Variants in ACACA observed in about 807,000 individuals in gnomAD.
The protein encoded by ACACA is acetyl-CoA carboxylase 1.
Under a neutral mutation model 296.1 loss-of-function variants are expected in ACACA, and 103 were observed. The ratio of observed to expected loss-of-function variants is 0.35; its 90% CI spans 0.30 to 0.41. The LOEUF (loss-of-function observed/expected upper bound fraction) is 0.41. ACACA is among the 10% of genes least tolerant of loss of function. The pLI, the probability that ACACA is intolerant of heterozygous loss-of-function variation, is 1.00. For missense variants in ACACA, 1,554 were observed against 2,989.7 expected (o/e 0.52, Z 11.20); for synonymous variants, 953 against 1,038.6 (o/e 0.92, Z 1.58).
chr17:37,291,171 T>A lies in ACACA; in HGVS notation c.339-6201A>T, dbSNP rs12952788. Among the ~76,000 whole-genome samples, 12 of 28,682 alleles carry A rather than the reference T, an allele frequency of 4.2e-4. No homozygotes were observed. The Admixed American group carries it at 5.9e-3, about 14-fold the overall frequency. 18.8% of individuals were successfully genotyped at this position (28,682 alleles called of 152,430 possible). On this transcript the variant is annotated intron_variant, in intron 3 of 55. Coordinates refer to ENST00000616317, the MANE Select transcript of ACACA (RefSeq NM_198834.3). ...ACACACACACACACACACACACATCTCATAATATTTGTTTTTGTTTTGAGA... is the reference window on the plus strand; with the variant it reads ...ACACACACACACACACACACACATCACATAATATTTGTTTTTGTTTTGAGA...
intron 24 of ACACA, among the ~76,000 whole-genome samples, chr17:37,238,454 T>A (rs745839414): frequency 2.0e-5 from 3 of 152,080 alleles, no homozygotes; most frequent in Non-Finnish European, 2.9e-5. Flanking sequence ...TATAAATCTA[T>A]CTCTACACCT....
intron 25 of ACACA, among the ~76,000 whole-genome samples, chr17:37,230,384 CAAAA>C (rs1380669438): frequency 1.1e-4 from 12 of 112,782 alleles, no homozygotes; most frequent in South Asian, 3.0e-4. Context: ...AACTCCATCT[CAAAA>C]AATAAATAAA....
chr17:37,184,967 G>C (rs1195925474), intron 39 of ACACA, among the ~76,000 whole-genome samples: 1 of 151,942 alleles, frequency 6.6e-6, no homozygotes. Flanking sequence ...AAATAAGCTA[G>C]ACACAAAATA....
At chr17:37,325,320 C>CGCGCCAT (rs1759842214) in intron 3 of ACACA, among the ~76,000 whole-genome samples, 1 of 150,018 alleles carries the variant, frequency 6.7e-6, no homozygotes, top group Non-Finnish European at 1.5e-5. Flanking sequence ...GAGCCAAGAT[C>CGCGCCAT]GCGCCATTGC....
chr17:37,348,294 T>G (rs920737624), intron 1 of ACACA, among the ~76,000 whole-genome samples: 1 of 152,022 alleles, frequency 6.6e-6, no homozygotes, highest in Admixed American at 6.6e-5. Context: ...AATCTGATAA[T>G]CATGCCAGAT....
At chr17:37,283,899 C>A (rs912506932) in intron 4 of ACACA, among the ~76,000 whole-genome samples, 4 of 152,178 alleles carry the variant, frequency 2.6e-5, no homozygotes, top group African/African-American at 9.7e-5. Flanking sequence ...GTAGAGAATG[C>A]CTCAGAAAGA....
chr17:37,334,707 AC>A (rs1328698413), intron 2 of ACACA, among the ~76,000 whole-genome samples: 1 of 151,264 alleles, frequency 6.6e-6, no homozygotes, highest in Non-Finnish European at 1.5e-5. Context: ...CTGTTCTCTT[AC>A]CCCCTTTCAC....
intron 12 of ACACA, among the ~76,000 whole-genome samples, chr17:37,258,639 C>T (rs2081318927): frequency 6.6e-6 from 1 of 152,142 alleles, no homozygotes; most frequent in African/African-American, 2.4e-5. Context: ...GTCATTTCTC[C>T]ATCACGTAAT....
intron 25 of ACACA, among the ~76,000 whole-genome samples, chr17:37,229,422 G>A (rs2079731142): frequency 6.6e-6 from 1 of 151,598 alleles, no homozygotes; most frequent in South Asian, 2.1e-4. Flanking sequence ...TCCTGCCTCA[G>A]CCTCCCGAGT....
chr17:37,154,498 T>G (rs1398400684), intron 43 of ACACA, among the ~76,000 whole-genome samples: 6 of 152,088 alleles, frequency 3.9e-5, no homozygotes, highest in Non-Finnish European at 8.8e-5. Flanking sequence ...CAATTAACTT[T>G]TTTTTTTCTT....
At chr17:37,207,448 ATAC>A (rs1223370951) in intron 31 of ACACA, among the ~76,000 whole-genome samples, 5 of 152,184 alleles carry the variant, frequency 3.3e-5, no homozygotes, top group African/African-American at 1.2e-4. Context: ...GACCAGGCCC[ATAC>A]TACAAGTAGA....
At chr17:37,291,326 G>A (rs182250380) in intron 3 of ACACA, among the ~76,000 whole-genome samples, 12 of 151,758 alleles carry the variant, frequency 7.9e-5, no homozygotes, top group African/African-American at 2.7e-4. Flanking sequence ...ACAGGCATGC[G>A]CCACCATGCC....
At chr17:37,188,569 T>A (rs2077625368) in intron 38 of ACACA, 89 bp from the exon 39 acceptor site, 10 of 1,116,188 alleles carry the variant, frequency 9.0e-6, no homozygotes, top group Admixed American at 4.7e-5. Flanking sequence ...AAAGAAGGGG[T>A]AAAAAAAAAA....
intron 11 of ACACA, 137 bp downstream of exon 11, chr17:37,263,548 T>TC (rs2146288008): frequency 1.3e-6 from 1 of 779,396 alleles, no homozygotes; most frequent in Non-Finnish European, 2.1e-6. Flanking sequence ...GAATTTTTTT[T>TC]CTCTAAGAAA....
Position 37,188,331 on chromosome 17 carries a change from G to A in ACACA, c.4722C>T (p.Gly1574=). The change falls in exon 39 of 56, where the codon GGC becomes GGT. Residue 1574 remains glycine, a synonymous_variant. Transcript: ENST00000616317. ...TGTATAGGCTGATATCCAAGTAATAGCCAGACTCGTTTGTCAGGAAGAGGC... is the reference window on the plus strand; with the variant it reads ...TGTATAGGCTGATATCCAAGTAATAACCAGACTCGTTTGTCAGGAAGAGGC... ...PIRLFLTNES[G]YYLDISLYKE... 6.2e-7 allele frequency: 1 copy of A among 1,614,094 alleles called. No homozygotes were observed. The highest frequency in any genetic ancestry group is 1.1e-5 in the South Asian group (1 of 91,082).
In ACACA at chr17:37,299,766, CCAGGAGCACATGA is replaced by C. The variant is rs1422131398; in HGVS notation, c.339-14809_339-14797del. The C allele has an allele frequency of 3.0e-6, 3 of 997,312 alleles. No individual in the cohort carries two copies. The East Asian group carries it at 3.2e-4, about 106-fold the overall frequency. 61.8% of individuals were successfully genotyped at this position (997,312 alleles called of 1,614,324 possible). On this transcript the variant is annotated intron_variant, in intron 3 of 55. Coordinates refer to ENST00000616317, the MANE Select transcript of ACACA (RefSeq NM_198834.3). ...AAAGCTCCACTGCCTCTCCTGGCTGCCAGGAGCACATGACAGGGAAAGCCCAGGACAAAAAGAC... is the reference window on the plus strand; with the variant it reads ...AAAGCTCCACTGCCTCTCCTGGCTGCCAGGGAAAGCCCAGGACAAAAAGAC...
At position 37,165,247 on chromosome 17, in the gene ACACA, A is replaced by G. The variant is rs767143903; in HGVS notation, c.5080-3197T>C. Among the ~76,000 whole-genome samples, 63 of 152,080 alleles carry G rather than the reference A, an allele frequency of 4.1e-4. 5 individuals are homozygous for G. The highest frequency in any genetic ancestry group is 1.0e-4 in the Non-Finnish European group (7 of 68,004). ...TAGCATGATGGACAAACATCTAAGA[A>G]AGCACTATTATTCAATTTACATTAA... On this transcript the variant is annotated intron_variant, in intron 41 of 55. Transcript: ENST00000616317.
intron 3 of ACACA, among the ~76,000 whole-genome samples, chr17:37,324,266 T>C (rs1477274080): frequency 1.3e-5 from 2 of 151,910 alleles, no homozygotes; most frequent in Non-Finnish European, 1.5e-5. Context: ...CTGGGGAGGC[T>C]GAGGCAGGAG....
In ACACA at chr17:37,129,366, T is replaced by G. The variant is rs775868741; in HGVS notation, c.5943A>C (p.Pro1981=). Residue 1981 remains proline, a splice_region_variant and synonymous_variant, in exon 47 of 56, where the codon CCA becomes CCC. Coordinates refer to ENST00000616317, the MANE Select transcript of ACACA (RefSeq NM_198834.3). ...PRWMLAGRPH[P]TQKGQWLSGF... ...TGGGGTCCTCAAACATATACATACT[T>G]GGGTGAGGACGGCCTGCTAGCATCC... 2 of 1,614,008 alleles carry G rather than the reference T, an allele frequency of 1.2e-6. No homozygotes were observed. The highest frequency in any genetic ancestry group is 3.3e-5 in the Admixed American group (2 of 60,008).
Sources: gnomAD v4.1 joint callset for allele counts (sites outside exome capture counted in the v4.1 genomes callset) on GRCh38, gnomAD v4.1.1 for gene constraint, MANE v1.5 for transcripts, NCBI Gene and HGNC (gene_info 2026-07-23, HGNC 2026-07-21) for gene names.